Variants in ZNF362 observed in about 807,000 individuals in gnomAD.
ZNF362 encodes zinc finger protein 362.
In ZNF362, 11 loss-of-function variants were observed where a neutral mutation model predicts 42.9. The ratio of observed to expected loss-of-function variants is 0.26; its 90% confidence interval spans 0.16 to 0.42. The LOEUF (loss-of-function observed/expected upper bound fraction) is 0.42. Ranked by LOEUF, ZNF362 falls within the 20% of genes least tolerant of loss-of-function variation. ZNF362 has a pLI of 1.00. For synonymous variants in ZNF362, 255 were observed against 257.3 expected (o/e 0.99, Z 0.09); for missense variants, 362 against 576.2 (o/e 0.63, Z 3.81).
At chr1:33,255,488 G>A (rs1388818798), upstream of ZNF362, among the ~76,000 whole-genome samples, 1 of 151,766 alleles carries the variant, frequency 6.6e-6, no homozygotes, top group African/African-American at 2.4e-5. Context: ...GGAACCGGCT[G>A]CCTCCTCAGG....
the ZNF362 span, among the ~76,000 whole-genome samples, chr1:33,204,868 T>A: frequency 6.6e-6 from 1 of 152,210 alleles, no homozygotes; most frequent in Non-Finnish European, 1.5e-5. Context: ...TTCTATATAT[T>A]AGCAACAAAC....
At chr1:33,137,453 A>C in the ZNF362 span, among the ~76,000 whole-genome samples, 1 of 152,232 alleles carries the variant, frequency 6.6e-6, no homozygotes, top group Non-Finnish European at 1.5e-5. Flanking sequence ...TCAACTAATC[A>C]TGAGGCGTAC....
chr1:33,184,320 C>G, the ZNF362 span, among the ~76,000 whole-genome samples: 1 of 152,146 alleles, frequency 6.6e-6, no homozygotes, highest in Non-Finnish European at 1.5e-5. Context: ...GATACCAAGG[C>G]TCAAATAAAG....
chr1:33,177,901 A>G, the ZNF362 span, among the ~76,000 whole-genome samples: 3 of 152,190 alleles, frequency 2.0e-5, no homozygotes, highest in East Asian at 1.9e-4. This position sits in a 1 kb window ranked among gnomAD's most constrained non-coding sequence, Gnocchi z 4.1. Flanking sequence ...AATTACTTCC[A>G]TGCTGTCCAT....
the ZNF362 span, among the ~76,000 whole-genome samples, chr1:33,196,742 T>C: frequency 1.3e-5 from 2 of 152,240 alleles, no homozygotes; most frequent in Non-Finnish European, 2.9e-5. Flanking sequence ...TACATAATTG[T>C]ATGTGCTAGA....
the ZNF362 span, among the ~76,000 whole-genome samples, chr1:33,138,626 C>CAACAACAA: frequency 1.5e-5 from 1 of 66,102 alleles, no homozygotes; most frequent in African/African-American, 4.7e-5. Context: ...ACAACAACAA[C>CAACAACAA]AAAAAAAAAA....
At chr1:33,139,693 G>T in the ZNF362 span, among the ~76,000 whole-genome samples, 3 of 152,168 alleles carry the variant, frequency 2.0e-5, no homozygotes, top group African/African-American at 7.2e-5. Flanking sequence ...CTCCTGCAGA[G>T]GAAGCCCCTG....
At chr1:33,243,558 A>G in the ZNF362 span, among the ~76,000 whole-genome samples, 4 of 151,712 alleles carry the variant, frequency 2.6e-5, no homozygotes, top group African/African-American at 9.7e-5. Context: ...ATGGACCTGA[A>G]GGAGATTCTT....
chr1:33,218,345 G>A, the ZNF362 span, among the ~76,000 whole-genome samples: 1 of 152,152 alleles, frequency 6.6e-6, no homozygotes, highest in Non-Finnish European at 1.5e-5. Context: ...AGAAACTGAG[G>A]CAGGAGGATG....
At chr1:33,228,049 C>T in the ZNF362 span, among the ~76,000 whole-genome samples, 2 of 152,090 alleles carry the variant, frequency 1.3e-5, no homozygotes, top group Non-Finnish European at 2.9e-5. Flanking sequence ...TTGTTGGGAC[C>T]TCAGTTGCCC....
At chr1:33,206,609 G>T in the ZNF362 span, among the ~76,000 whole-genome samples, 116 of 152,116 alleles carry the variant, frequency 7.6e-4, no homozygotes, top group Admixed American at 7.6e-3. Context: ...GACCCCATCT[G>T]TAAAAAGAGA....
the ZNF362 span, among the ~76,000 whole-genome samples, chr1:33,224,318 G>C: frequency 6.6e-6 from 1 of 152,104 alleles, no homozygotes; most frequent in Non-Finnish European, 1.5e-5. Context: ...TCAATAGATG[G>C]GTTTGGCAAC....
At chr1:33,149,521 C>CA in the ZNF362 span, among the ~76,000 whole-genome samples, 7 of 152,134 alleles carry the variant, frequency 4.6e-5, 1 homozygote, top group Admixed American at 4.6e-4. Flanking sequence ...GTAGTGTCAT[C>CA]ATAGCTCATT....
the ZNF362 span, among the ~76,000 whole-genome samples, chr1:33,183,579 GT>G: frequency 6.6e-6 from 1 of 151,472 alleles, no homozygotes; most frequent in African/African-American, 2.4e-5. Context: ...AGTGAGTCTT[GT>G]TTGGTCCAAG....
At chr1:33,174,968 T>C in the ZNF362 span, among the ~76,000 whole-genome samples, 27,711 of 124,672 alleles carry the variant, frequency 0.22, 3,116 homozygotes, top group South Asian at 0.32. Flanking sequence ...TATATATATA[T>C]ACACACATAT....
chr1:33,189,720 C>CATATATATATAT, the ZNF362 span, among the ~76,000 whole-genome samples: 85 of 83,894 alleles, frequency 1.0e-3, 5 homozygotes, highest in African/African-American at 3.6e-3. Context: ...TATATATATA[C>CATATATATATAT]ATACACACAT....
the ZNF362 span, among the ~76,000 whole-genome samples, chr1:33,205,372 A>T: frequency 6.6e-6 from 1 of 151,986 alleles, no homozygotes; most frequent in South Asian, 2.1e-4. Flanking sequence ...GTGGTCCCAG[A>T]TACTTGGGAA....
At chr1:33,275,391 T>C in intron 2 of ZNF362, 2 of 985,456 alleles carry the variant, frequency 2.0e-6, no homozygotes, top group Non-Finnish European at 2.4e-6. Flanking sequence ...CTGCCCTAGC[T>C]TCAGCCTCTT....
At chr1:33,204,489 G>T in the ZNF362 span, among the ~76,000 whole-genome samples, 2 of 152,088 alleles carry the variant, frequency 1.3e-5, no homozygotes, top group Admixed American at 6.5e-5. Flanking sequence ...TTTTAGAATT[G>T]CTTTTCCTAT....
Sources: allele counts gnomAD v4.1 joint callset (sites outside exome capture counted in the v4.1 genomes callset), GRCh38; gene constraint gnomAD v4.1.1; non-coding constraint Gnocchi (gnomAD v3.1); transcripts MANE v1.5; gene names NCBI Gene and HGNC (gene_info 2026-07-23, HGNC 2026-07-21).